Variants in DCTN6 observed in about 807,000 individuals in gnomAD.
DCTN6 encodes dynactin 6.
A neutral mutation model predicts 25.8 loss-of-function variants in DCTN6; 15 were observed. The ratio of observed to expected loss-of-function variants is 0.58; its 90% CI spans 0.39 to 0.89. The LOEUF is 0.89. Ranked by LOEUF, DCTN6 falls within the 40% of genes least tolerant of loss-of-function variation. DCTN6 has a pLI of 0.00. For synonymous variants in DCTN6, 64 were observed against 78.3 expected (o/e 0.82, Z 0.96); for missense variants, 198 against 237.6 (o/e 0.83, Z 1.09).
intron 2 of DCTN6, among the ~76,000 whole-genome samples, chr8:30,172,786 A>C (rs1803780940): frequency 6.6e-6 from 1 of 152,214 alleles, no homozygotes; most frequent in African/African-American, 2.4e-5. Context: ...AGTGGAGCTT[A>C]CATCTGGAAT....
At chr8:30,156,557 AG>A in intron 1 of DCTN6, 151 bp downstream of exon 1, 1 of 767,196 alleles carries the variant, frequency 1.3e-6, no homozygotes, top group East Asian at 3.1e-5. Context: ...CCACTGAGGG[AG>A]GGGGCGACGG....
chr8:30,163,525 GGTT>G (rs1302430414), intron 1 of DCTN6, among the ~76,000 whole-genome samples: 1 of 152,094 alleles, frequency 6.6e-6, no homozygotes, highest in African/African-American at 2.4e-5. Flanking sequence ...TGAATATCTA[GGTT>G]GTTTTCAGCT....
Position 30,175,199 on chromosome 8 carries a change from C to T in DCTN6, c.194+9C>T. 2 of 1,608,402 alleles carry T rather than the reference C, an allele frequency of 1.2e-6. No homozygotes were observed. The highest frequency in any genetic ancestry group is 1.7e-6 in the Non-Finnish European group (2 of 1,175,430). The stretch of plus-strand genomic sequence containing the variant: ...GCCCTTATCATAAATGCGTAAGACT[C>T]TTATACATACTGTGAACCAAGTACC... On this transcript the variant is annotated intron_variant, in intron 3 of 6. Transcript: ENST00000221114.
At chr8:30,166,783 C>G (rs1395823049) in intron 2 of DCTN6, among the ~76,000 whole-genome samples, 1 of 151,992 alleles carries the variant, frequency 6.6e-6, no homozygotes, top group Non-Finnish European at 1.5e-5. Context: ...TCCTACCTTC[C>G]CTACATGTTG....
chr8:30,180,837 G>T (rs1803902855), intron 6 of DCTN6: 1 of 607,906 alleles, frequency 1.6e-6, no homozygotes, highest in Admixed American at 3.1e-5. Context: ...TTTAAGAGCA[G>T]CCTGGGCAAC....
intron 1 of DCTN6, among the ~76,000 whole-genome samples, chr8:30,159,436 G>A (rs1315168018): frequency 6.6e-6 from 1 of 152,030 alleles, no homozygotes; most frequent in Non-Finnish European, 1.5e-5. Context: ...GTATATTAGG[G>A]AATACTTGGG....
rs539065521 is a variant in DCTN6 at position 30,169,259 on chromosome 8, T to G, written c.88+5084T>G. Among the ~76,000 whole-genome samples the G allele has an allele frequency of 3.9e-5, 6 of 152,266 alleles. No individual in the cohort carries two copies. The South Asian group carries it at 1.0e-3, about 26-fold the overall frequency. ...TCTTACAGGTACTTCAGCTTACAGTTCAAGAAAATTGTTTAGTTGTCAAAA... is the reference window on the plus strand; with the variant it reads ...TCTTACAGGTACTTCAGCTTACAGTGCAAGAAAATTGTTTAGTTGTCAAAA... On this transcript the variant is annotated intron_variant, in intron 2 of 6. Coordinates refer to ENST00000221114, the MANE Select transcript of DCTN6 (RefSeq NM_006571.4).
chr8:30,156,519 G>A, intron 1 of DCTN6, 113 bp downstream of exon 1: 1 of 1,267,736 alleles, frequency 7.9e-7, no homozygotes, highest in Non-Finnish European at 1.1e-6. Context: ...CATTCGGGCC[G>A]AAGGTACCTG....
At chr8:30,165,342 G>A (rs1029722757) in intron 2 of DCTN6, among the ~76,000 whole-genome samples, 2 of 151,432 alleles carry the variant, frequency 1.3e-5, no homozygotes, top group African/African-American at 2.4e-5. Flanking sequence ...ACCAGCAGCC[G>A]CATGTCACCT....
At chr8:30,165,166 C>G (rs1240487376) in intron 2 of DCTN6, among the ~76,000 whole-genome samples, 1 of 152,154 alleles carries the variant, frequency 6.6e-6, no homozygotes, top group African/African-American at 2.4e-5. Context: ...TAAATATTTG[C>G]TGTTAACGCT....
Position 30,183,376 on chromosome 8 carries a change from G to T in DCTN6, c.*203G>T. The T allele has an allele frequency of 1.8e-5, 7 of 381,178 alleles. No individual in the cohort carries two copies. Among genetic ancestry groups the T allele is most frequent in the South Asian group, 5.6e-5 (1 of 17,806 alleles). 23.6% of individuals were successfully genotyped at this position (381,178 alleles called of 1,614,324 possible). A position where few individuals can be genotyped will look rare whatever the true frequency, so the allele number is the denominator to read the frequency against. ...AAATGTATTATTTTCCTATATCCTTGGTTCTTTTCTGATAATTTACAGATT... is the reference window on the plus strand; with the variant it reads ...AAATGTATTATTTTCCTATATCCTTTGTTCTTTTCTGATAATTTACAGATT... On this transcript the variant is annotated 3_prime_UTR_variant, in exon 7 of 7. Transcript: ENST00000221114.
intron 2 of DCTN6, among the ~76,000 whole-genome samples, chr8:30,171,425 T>TA (rs1335107214): frequency 2.0e-5 from 3 of 151,854 alleles, no homozygotes; most frequent in Non-Finnish European, 4.4e-5. Context: ...AATTTTTTTT[T>TA]AATTTTTCAT....
chr8:30,183,272 C>T lies in DCTN6; in HGVS notation c.*99C>T, dbSNP rs1186076613. Reference sequence around the variant, plus strand: ...ACTCTTAACAACTCACAGAATAATACATGTTCACTTTATTTTGTAAAATTG... The same window carrying T: ...ACTCTTAACAACTCACAGAATAATATATGTTCACTTTATTTTGTAAAATTG... On this transcript the variant is annotated 3_prime_UTR_variant, in exon 7 of 7. Coordinates refer to ENST00000221114, the MANE Select transcript of DCTN6 (RefSeq NM_006571.4). 3 of 878,146 alleles carry T rather than the reference C, an allele frequency of 3.4e-6. No homozygotes were observed. The East Asian group carries it at 8.4e-5, about 25-fold the overall frequency. 54.4% of individuals were successfully genotyped at this position (878,146 alleles called of 1,614,324 possible).
chr8:30,183,185 A>C lies in DCTN6; in HGVS notation c.*12A>C, dbSNP rs768192496. On this transcript the variant is annotated 3_prime_UTR_variant, in exon 7 of 7. Coordinates refer to ENST00000221114, the MANE Select transcript of DCTN6 (RefSeq NM_006571.4). ...CAGTAAAGAACTAAGAACAGTGTAT[A>C]ACATGAAGATAACATTTTGTCTTTG... 2 of 1,607,392 alleles carry C rather than the reference A, an allele frequency of 1.2e-6. No individual in the cohort carries two copies. The highest frequency in any genetic ancestry group is 1.7e-5 in the Admixed American group (1 of 59,968).
At chr8:30,158,441 C>T (rs1009302326) in intron 1 of DCTN6, among the ~76,000 whole-genome samples, 4 of 152,110 alleles carry the variant, frequency 2.6e-5, no homozygotes, top group African/African-American at 9.7e-5. Context: ...AGGACAGTGT[C>T]GCTCATTTAT....
Position 30,183,275 on chromosome 8 carries a change from G to T in DCTN6, c.*102G>T. 1 of 853,456 alleles carries T rather than the reference G, an allele frequency of 1.2e-6. No individual in the cohort carries two copies. Among genetic ancestry groups the T allele is most frequent in the Non-Finnish European group, 1.8e-6 (1 of 566,836 alleles). The allele number at this position is 853,456 out of a possible 1,614,324, so 52.9% of individuals were successfully genotyped here. ...CTTAACAACTCACAGAATAATACATGTTCACTTTATTTTGTAAAATTGGGT... is the reference window on the plus strand; with the variant it reads ...CTTAACAACTCACAGAATAATACATTTTCACTTTATTTTGTAAAATTGGGT... On this transcript the variant is annotated 3_prime_UTR_variant, in exon 7 of 7. Coordinates refer to ENST00000221114, the MANE Select transcript of DCTN6 (RefSeq NM_006571.4).
intron 2 of DCTN6, among the ~76,000 whole-genome samples, chr8:30,170,892 C>T (rs1446312059): frequency 1.3e-5 from 2 of 152,074 alleles, no homozygotes; most frequent in Non-Finnish European, 2.9e-5. Flanking sequence ...GCCTCGGTCT[C>T]CCAAAGTGCT....
rs765525680 is a variant in DCTN6 at position 30,180,605 on chromosome 8, G to A, written c.449G>A (p.Arg150His). 6.2e-6 allele frequency: 10 copies of A among 1,614,076 alleles called. No individual in the cohort carries two copies. Among genetic ancestry groups the A allele is most frequent in the African/African-American group, 2.7e-5 (2 of 75,020 alleles). ...NTVIYGADCLRRVQTERPQPQ... is the reference protein window; with the variant it reads ...NTVIYGADCLHRVQTERPQPQ... ...GTGATCTATGGTGCAGACTGCCTTC[G>A]TCGGGTGCAGACTGAGCGACCGCAG... The change falls in exon 6 of 7, where the codon CGT becomes CAT. Residue 150 changes from arginine to histidine, a missense_variant. Physicochemically the swap from Arg to His is conservative, Grantham distance 29. Transcript: ENST00000221114.
At chr8:30,161,897 AC>A (rs1238373195) in intron 1 of DCTN6, among the ~76,000 whole-genome samples, 8 of 150,106 alleles carry the variant, frequency 5.3e-5, no homozygotes. Context: ...ACAGGCGCCC[AC>A]CACCACGCCC....
Sources: allele counts gnomAD v4.1 joint callset (sites outside exome capture counted in the v4.1 genomes callset), GRCh38; gene constraint gnomAD v4.1.1; transcripts MANE v1.5; gene names NCBI Gene and HGNC (gene_info 2026-07-23, HGNC 2026-07-21).